The following MACF1 variants were observed in gnomAD, a reference collection of about 807,000 sequenced individuals.
The protein encoded by MACF1 is microtubule actin crosslinking factor 1.
MACF1 carries 193 observed loss-of-function variants against 854.8 expected under a neutral mutation model. The ratio of observed to expected loss-of-function variants is 0.23; its 90% CI spans 0.20 to 0.25. MACF1 has a LOEUF of 0.25. MACF1 is among the 10% of genes least tolerant of loss of function. The pLI is 1.00. For missense variants in MACF1, 7,722 were observed against 8,929.1 expected (o/e 0.86, Z 5.45); for synonymous variants, 3,185 against 3,226.7 (o/e 0.99, Z 0.44).
chr1:39,238,747 G>A (rs1644887977), intron 2 of MACF1, among the ~76,000 whole-genome samples: 1 of 152,146 alleles, frequency 6.6e-6, no homozygotes, highest in Non-Finnish European at 1.5e-5. Flanking sequence ...AATCCTTGGT[G>A]ATTTTTCATC....
In MACF1 at chr1:39,084,410, T is replaced by C; in HGVS notation, c.192T>C (p.Pro64=). The change falls in exon 2 of 94, where the codon CCT becomes CCC. Residue 64 remains proline (P), a synonymous_variant. Transcript: ENST00000361689. This position sits in a 1 kb window ranked among gnomAD's most constrained non-coding sequence, Gnocchi z 5.2. ...AAAGCCAGGATTCGGTGCTGGACCC[T>C]GCAGAGCGTGCTGTGGTCAGAGTCG... The C allele has an allele frequency of 3.1e-6, 5 of 1,611,428 alleles. No individual in the cohort carries two copies. Among genetic ancestry groups the C allele is most frequent in the Non-Finnish European group, 4.2e-6 (5 of 1,179,948 alleles).
intron 58 of MACF1, chr1:39,414,384 TG>T (rs1226794264): frequency 6.2e-7 from 1 of 1,613,954 alleles, no homozygotes; most frequent in South Asian, 1.1e-5. Flanking sequence ...AGGAGGACCT[TG>T]ATTCCCTAGT....
chr1:39,122,830 A>C (rs938765996), intron 2 of MACF1, among the ~76,000 whole-genome samples: 1 of 152,160 alleles, frequency 6.6e-6, no homozygotes, highest in African/African-American at 2.4e-5. Context: ...GTGGGTTTTG[A>C]GTTAGACCTT....
At chr1:39,273,702 A>G (rs1645374162) in intron 6 of MACF1, among the ~76,000 whole-genome samples, 1 of 151,822 alleles carries the variant, frequency 6.6e-6, no homozygotes, top group Admixed American at 6.6e-5. Flanking sequence ...GGTTCACGCC[A>G]TTCTCCTGCC....
At chr1:39,111,154 G>A (rs1404366810) in intron 2 of MACF1, among the ~76,000 whole-genome samples, 2 of 152,096 alleles carry the variant, frequency 1.3e-5, no homozygotes, top group Admixed American at 6.6e-5. Context: ...TCTATTGGTG[G>A]CATTTACTAA....
chr1:39,353,188 A>C lies in MACF1; in HGVS notation c.11381A>C (p.Asn3794Thr). Residue 3794 changes from asparagine (N) to threonine (T), a missense_variant, in exon 44 of 101, where the codon AAT becomes ACT. Physicochemically the swap from Asn to Thr is moderately conservative, Grantham distance 65 (BLOSUM62 0). Around this residue, in one of 15 missense-constraint regions of MACF1, gnomAD observed 2,807 missense variants for 3,235.8 expected, o/e 0.87. Transcript: ENST00000564288. ...ACCACTGATGGTTACATGGGGGTGA[A>C]TCAAGCCCCAGAGAAACTGGACAAG... is the stretch of plus-strand genomic sequence containing the variant. ...LDTTDGYMGV[N>T]QAPEKLDKQC... 6.2e-7 allele frequency: 1 copy of C among 1,610,586 alleles called. No individual in the cohort carries two copies. The highest frequency in any genetic ancestry group is 8.5e-7 in the Non-Finnish European group (1 of 1,176,984).
chr1:39,400,710 G>A (rs1215766244), intron 58 of MACF1, among the ~76,000 whole-genome samples: 3 of 152,000 alleles, frequency 2.0e-5, no homozygotes, highest in Non-Finnish European at 4.4e-5. Flanking sequence ...GTTTTACCAC[G>A]TTGCCCAGGC....
intron 56 of MACF1, among the ~76,000 whole-genome samples, chr1:39,383,989 G>A (rs1312602710): frequency 6.6e-6 from 1 of 152,120 alleles, no homozygotes; most frequent in Admixed American, 6.6e-5. Flanking sequence ...TAGCTTCTGG[G>A]AAACATCATT....
In MACF1 at chr1:39,285,408, T is replaced by C. The variant is rs779521164; in HGVS notation, c.1353+18T>C. On this transcript the variant is annotated intron_variant, in intron 13 of 100. Coordinates refer to ENST00000564288, the MANE Select transcript of MACF1 (RefSeq NM_001394062.1). ...TGCAGGCTGTAAGTCTCTGACTGTT[T>C]TGTCCAACATCTGTGTCACATGTTT... 8 of 1,611,980 alleles carry C rather than the reference T, an allele frequency of 5.0e-6. No individual in the cohort carries two copies. Among genetic ancestry groups the C allele is most frequent in the Non-Finnish European group, 6.8e-6 (8 of 1,178,794 alleles).
intron 2 of MACF1, among the ~76,000 whole-genome samples, chr1:39,234,216 G>A (rs1449659566): frequency 2.0e-5 from 3 of 151,976 alleles, no homozygotes; most frequent in Admixed American, 6.6e-5. Flanking sequence ...GCAACCATCC[G>A]ATTTCTCAAT....
chr1:39,175,331 T>C (rs1036098830), intron 2 of MACF1, among the ~76,000 whole-genome samples: 2 of 152,234 alleles, frequency 1.3e-5, no homozygotes, highest in African/African-American at 2.4e-5. Context: ...AGTTGGCCTG[T>C]AATTAGGAGA....
intron 1 of MACF1, among the ~76,000 whole-genome samples, chr1:39,228,757 G>A (rs1056624327): frequency 1.3e-5 from 2 of 152,174 alleles, no homozygotes; most frequent in South Asian, 4.1e-4. Flanking sequence ...GGGTTCAAGC[G>A]ATTCTCCTGC....
intron 58 of MACF1, among the ~76,000 whole-genome samples, chr1:39,399,816 AATT>A (rs1642408824): frequency 6.6e-6 from 1 of 152,144 alleles, no homozygotes; most frequent in Non-Finnish European, 1.5e-5. Flanking sequence ...CCCCTCAGTT[AATT>A]CACTTTTGTG....
rs188011242 is a variant in MACF1, at chr1:39,098,247, C to T, written c.220+13809C>T. Among the ~76,000 whole-genome samples the T allele has an allele frequency of 3.8e-4, 58 of 152,352 alleles. 1 individual carries two copies. The highest frequency in any genetic ancestry group is 7.6e-4 in the Non-Finnish European group (52 of 68,036). On this transcript the variant is annotated intron_variant, in intron 2 of 93. Transcript: ENST00000361689. ...GTTAGGTTCTGAATGCCAGCCTTGG[C>T]GCTCAGCATCTTACATGCTGTATTT...
chr1:39,438,591 C>T (rs1307139152), intron 71 of MACF1, among the ~76,000 whole-genome samples: 1 of 152,082 alleles, frequency 6.6e-6, no homozygotes, highest in Non-Finnish European at 1.5e-5. Context: ...TCGAGACCAG[C>T]CTGGCCAACA....
Position 39,350,988 on chromosome 1 carries a change from G to A in MACF1, c.11169G>A (p.Val3723=), listed in dbSNP as rs1438617921. Residue 3723 remains valine (V), a synonymous_variant, in exon 43 of 101, where the codon GTG becomes GTA. Coordinates refer to ENST00000564288, the MANE Select transcript of MACF1 (RefSeq NM_001394062.1). ...CCCAGAAGGAACTGGAGGAAGCAGT[G>A]ACCTCCGCCTTACAGCAGGAGACTG... is the stretch of plus-strand genomic sequence containing the variant. The part of the protein sequence containing the change: ...RVAQKELEEA[V]TSALQQETEK... The A allele has an allele frequency of 6.2e-7, 1 of 1,614,042 alleles. No individual in the cohort carries two copies. Among genetic ancestry groups the A allele is most frequent in the Non-Finnish European group, 8.5e-7 (1 of 1,179,954 alleles).
intron 69 of MACF1, 80 bp downstream of exon 69, chr1:39,434,712 T>G: frequency 8.2e-7 from 1 of 1,217,044 alleles, no homozygotes; most frequent in Non-Finnish European, 1.2e-6. Context: ...TGTTAGTGTC[T>G]ATAGGTGCAA....
chr1:39,442,676 A>C (rs1644143711), intron 77 of MACF1, 38 bp from the exon 78 acceptor site: 1 of 1,611,436 alleles, frequency 6.2e-7, no homozygotes. Context: ...GTTAGATGAT[A>C]TCCATAGAGA....
At position 39,084,518 on chromosome 1, in the gene MACF1, C is replaced by A; in HGVS notation, c.220+80C>A. 2.5e-6 allele frequency: 3 copies of A among 1,199,742 alleles called. No homozygotes were observed. The highest frequency in any genetic ancestry group is 3.6e-6 in the Non-Finnish European group (3 of 843,440). 74.3% of individuals were successfully genotyped at this position (1,199,742 alleles called of 1,614,324 possible). Reference sequence around the variant, plus strand: ...CAGGGCACAGCAGCTGTGTGGGGAGCCGAGGGGTCCTCACCAGGGCCTCTG... The same window carrying A: ...CAGGGCACAGCAGCTGTGTGGGGAGACGAGGGGTCCTCACCAGGGCCTCTG... On this transcript the variant is annotated intron_variant, in intron 2 of 93. Transcript: ENST00000361689. The surrounding 1 kb of genome is among the most constrained non-coding windows in gnomAD (Gnocchi z 5.2).
Sources: allele counts gnomAD v4.1 joint callset (sites outside exome capture counted in the v4.1 genomes callset), GRCh38; gene constraint gnomAD v4.1.1; regional missense constraint gnomAD v4.1.1; non-coding constraint Gnocchi (gnomAD v3.1); transcripts MANE v1.5; gene names NCBI Gene and HGNC (gene_info 2026-07-23, HGNC 2026-07-21).